Variants in HAS1 observed in about 807,000 individuals in gnomAD.
HAS1 encodes hyaluronan synthase 1.
Under a neutral mutation model 35.0 loss-of-function variants are expected in HAS1, and 27 were observed. That is an observed-to-expected ratio of 0.77 (90% CI 0.57 to 1.06). HAS1 has a LOEUF of 1.06. Ranked by LOEUF, HAS1 falls within the 50% of genes least tolerant of loss-of-function variation. The pLI, the probability that HAS1 is intolerant of heterozygous loss-of-function variation, is 0.00. For synonymous variants in HAS1, 409 were observed against 371.2 expected, an observed-to-expected ratio of 1.10 and a Z score of -1.17; for missense variants, 940 against 814.8, an observed-to-expected ratio of 1.15 and a Z score of -1.87.
At position 51,719,403 on chromosome 19, in the gene HAS1, G is replaced by T; in HGVS notation, c.502C>A (p.Pro168Thr). 6.4e-7 allele frequency: 1 copy of T among 1,569,822 alleles called. No individual in the cohort carries two copies. The highest frequency in any genetic ancestry group is 8.6e-7 in the Non-Finnish European group (1 of 1,156,858). The change falls in exon 2 of 5, where the codon CCC becomes ACC. Residue 168 changes from proline (P) to threonine (T), a missense_variant. By Grantham distance (38) the Pro-to-Thr change is conservative. Transcript: ENST00000540069. ...GCGCCCGCCGCCGCGGGTTCCCAGG[G>T]CTGGTGGTAGTTGCCGTCCCACACG... ...TYVWDGNYHQ[P>T]WEPAAAGAVG... is the part of the protein sequence containing the mutation.
chr19:51,723,942 G>T lies in HAS1; in HGVS notation c.-9C>A, dbSNP rs1327182409. 6 of 1,524,562 alleles carry T rather than the reference G, an allele frequency of 3.9e-6. No homozygotes were observed. In the South Asian group the frequency reaches 4.8e-5, roughly 12 times the overall value. The allele number at this position is 1,524,562 out of a possible 1,614,324, so 94.4% of individuals were successfully genotyped here. On this transcript the variant is annotated 5_prime_UTR_variant, in exon 1 of 5. Coordinates refer to ENST00000540069, the MANE Select transcript of HAS1 (RefSeq NM_001297436.2). ...ACACACACCTGTCTCATCGCAGTGG[G>T]TCTGGCCGGGCTCTCTCTTCTCTCC...
intron 1 of HAS1, among the ~76,000 whole-genome samples, 167 bp downstream of exon 1, chr19:51,723,758 G>T (rs1302274021): frequency 1.3e-5 from 2 of 152,072 alleles, no homozygotes; most frequent in African/African-American, 2.4e-5. Flanking sequence ...AGCCTCACAT[G>T]CTCACTGTCC....
chr19:51,714,164 G>A (rs1279947199), intron 4 of HAS1, 62 bp from the exon 5 acceptor site: 1 of 1,561,892 alleles, frequency 6.4e-7, no homozygotes, highest in Non-Finnish European at 8.7e-7. Flanking sequence ...GCAGGATTCT[G>A]GAGGCAGAAA....
intron 1 of HAS1, 75 bp downstream of exon 1, chr19:51,723,850 C>G (rs760413125): frequency 7.4e-7 from 1 of 1,353,940 alleles, no homozygotes; most frequent in Non-Finnish European, 1.0e-6. Flanking sequence ...CACGTGGTCA[C>G]ACATATGGCA....
chr19:51,716,199 C>T (rs546455366), intron 4 of HAS1, 57 bp downstream of exon 4: 214 of 1,477,416 alleles, frequency 1.4e-4, no homozygotes, highest in Non-Finnish European at 1.9e-4. Context: ...CATGCACACA[C>T]GCTAGGATAT....
At chr19:51,720,557 A>G (rs1179870466) in intron 1 of HAS1, among the ~76,000 whole-genome samples, 1 of 152,102 alleles carries the variant, frequency 6.6e-6, no homozygotes, top group Non-Finnish European at 1.5e-5. Context: ...CAGTGGCACC[A>G]TCATAGCTCA....
chr19:51,719,358 G>A lies in HAS1; in HGVS notation c.547C>T (p.Arg183Trp), dbSNP rs2083607858. The A allele has an allele frequency of 6.2e-7, 1 of 1,603,780 alleles. No homozygotes were observed. The highest frequency in any genetic ancestry group is 2.3e-5 in the East Asian group (1 of 44,214). The change falls in exon 2 of 5, where the codon CGG (arginine) becomes TGG (tryptophan). Residue 183 changes from arginine to tryptophan, a missense_variant. Coordinates refer to ENST00000540069, the MANE Select transcript of HAS1 (RefSeq NM_001297436.2). ...CCAGGATCCTCCGCCTCCACCTCCC[G>A]ATAGGCTCCGGCGCCCACCGCGCCC... ...AAGAVGAGAY[R>W]EVEAEDPGRL...
At chr19:51,723,884 TACACACACACACAC>T (rs58597876) in intron 1 of HAS1, 27 bp downstream of exon 1, 49 of 1,229,114 alleles carry the variant, frequency 4.0e-5, no homozygotes, top group African/African-American at 3.2e-4. Context: ...CATGGCTGTA[TACACACACACACAC>T]ACACACACAC....
intron 1 of HAS1, among the ~76,000 whole-genome samples, chr19:51,723,202 GACCCGAGAC>G (rs2083642011): frequency 6.6e-6 from 1 of 152,152 alleles, no homozygotes; most frequent in Admixed American, 6.5e-5. Context: ...TCTACAGGAT[GACCCGAGAC>G]ACCCACTCAG....
At position 51,713,904 on chromosome 19, in the gene HAS1, C is replaced by T. The variant is rs1358603971; in HGVS notation, c.1257G>A (p.Leu419=). The change falls in exon 5 of 5, where the codon CTG becomes CTA. Residue 419 remains leucine, a synonymous_variant. Coordinates refer to ENST00000540069, the MANE Select transcript of HAS1 (RefSeq NM_001297436.2). The surrounding 1 kb of genome is among the most constrained non-coding windows in gnomAD (Gnocchi z 4.5). ...LFPFFVAATV[L]RLFYAGRPWA... ...AAGGGCGGCCCGCGTAGAACAGACGCAGCACAGTGGCCGCCACGAAGAAGG... is the reference window on the plus strand; with the variant it reads ...AAGGGCGGCCCGCGTAGAACAGACGTAGCACAGTGGCCGCCACGAAGAAGG... The T allele has an allele frequency of 6.2e-7, 1 of 1,607,214 alleles. No individual in the cohort carries two copies. The highest frequency in any genetic ancestry group is 8.5e-7 in the Non-Finnish European group (1 of 1,179,942).
chr19:51,719,984 TC>T, intron 1 of HAS1, 89 bp from the exon 2 acceptor site: 1 of 792,776 alleles, frequency 1.3e-6, no homozygotes, highest in Non-Finnish European at 1.9e-6. Context: ...TTTCCTTCCT[TC>T]CCTCCTTCCC....
rs1239822187 is a variant in HAS1 at position 51,713,305 on chromosome 19, C to T, written c.*122G>A. The T allele has an allele frequency of 3.1e-6, 3 of 957,898 alleles. No homozygotes were observed. Among genetic ancestry groups the T allele is most frequent in the Non-Finnish European group, 4.4e-6 (3 of 681,728 alleles). 59.3% of individuals were successfully genotyped at this position (957,898 alleles called of 1,614,324 possible). On this transcript the variant is annotated 3_prime_UTR_variant, in exon 5 of 5. Transcript: ENST00000540069. The surrounding 1 kb of genome is among the most constrained non-coding windows in gnomAD (Gnocchi z 4.5). ...CTGAAGAATCTTGGGCTGACCCCCT[C>T]GTTTTGCAGAGGAGGGAAACTGAGG...
chr19:51,720,059 T>A, intron 1 of HAS1, 164 bp from the exon 2 acceptor site: 1 of 564,620 alleles, frequency 1.8e-6, no homozygotes, highest in Non-Finnish European at 3.1e-6. Flanking sequence ...TTTCTCTCTC[T>A]CTGTGTCTGT....
At position 51,717,125 on chromosome 19, in the gene HAS1, G is replaced by A. The variant is rs750914461; in HGVS notation, c.768C>T (p.Asp256=). Residue 256 remains aspartate, a synonymous_variant, in exon 3 of 5, where the codon GAC becomes GAT. Transcript: ENST00000540069. ...LLELVRVLDE[D]PRVGAVGGDV... is the part of the protein sequence containing the mutation. Reference sequence around the variant, plus strand: ...CCCCACCAACAGCCCCTACCCGGGGGTCCTCGTCCAGTACCCGCACGAGCT... The same window carrying A: ...CCCCACCAACAGCCCCTACCCGGGGATCCTCGTCCAGTACCCGCACGAGCT... 3 of 1,613,884 alleles carry A rather than the reference G, an allele frequency of 1.9e-6. No individual in the cohort carries two copies. In the Admixed American group the frequency reaches 5.0e-5, roughly 27 times the overall value.
At position 51,713,584 on chromosome 19, in the gene HAS1, G is replaced by A. The variant is rs375036393; in HGVS notation, c.1577C>T (p.Ala526Val). The change falls in exon 5 of 5, where the codon GCC becomes GTC. Residue 526 changes from alanine (A) to valine (V), a missense_variant. Transcript: ENST00000540069. The surrounding 1 kb of genome is among the most constrained non-coding windows in gnomAD (Gnocchi z 4.5). ...TGCGCGGGAAGGGCCGCTCCAGTCG[G>A]CCCTGGCCTCGTGTGCTACGCTGCG... The part of the protein sequence containing the change: ...LVRSVAHEAR[A>V]DWSGPSRAAE... 6.4e-7 allele frequency: 1 copy of A among 1,561,662 alleles called. No individual in the cohort carries two copies. The highest frequency in any genetic ancestry group is 8.7e-7 in the Non-Finnish European group (1 of 1,153,178).
chr19:51,720,089 TCTCG>T, intron 1 of HAS1, 194 bp from the exon 2 acceptor site: 5 of 532,416 alleles, frequency 9.4e-6, no homozygotes, highest in South Asian at 5.1e-5. Flanking sequence ...TCTCTCTCTC[TCTCG>T]CTCTCGCTCT....
At chr19:51,721,795 G>T (rs2083633412) in intron 1 of HAS1, among the ~76,000 whole-genome samples, 1 of 151,998 alleles carries the variant, frequency 6.6e-6, no homozygotes, top group South Asian at 2.1e-4. Flanking sequence ...TAGAGACAGG[G>T]TCTTGCTGTG....
At chr19:51,719,959 G>A in intron 1 of HAS1, 64 bp from the exon 2 acceptor site, 1 of 1,094,902 alleles carries the variant, frequency 9.1e-7, no homozygotes, top group Non-Finnish European at 1.3e-6. Context: ...TCCTCCGAGA[G>A]AAGATTAAAA....
Position 51,716,956 on chromosome 19 carries a change from G to A in HAS1, c.925+12C>T. ...CCCATCCACAGCCCTCCCAATCTCT[G>A]CCCCTGCTTACCTAGAGGACCGCTG... On this transcript the variant is annotated intron_variant, in intron 3 of 4. Coordinates refer to ENST00000540069, the MANE Select transcript of HAS1 (RefSeq NM_001297436.2). The A allele has an allele frequency of 6.4e-7, 1 of 1,573,010 alleles. No individual in the cohort carries two copies. Among genetic ancestry groups the A allele is most frequent in the Non-Finnish European group, 8.7e-7 (1 of 1,143,116 alleles).
Sources: gnomAD v4.1 joint callset for allele counts (sites outside exome capture counted in the v4.1 genomes callset) on GRCh38, gnomAD v4.1.1 for gene constraint, Gnocchi (gnomAD v3.1) non-coding constraint, MANE v1.5 for transcripts, NCBI Gene and HGNC (gene_info 2026-07-23, HGNC 2026-07-21) for gene names.